FAM107B: variants seen among roughly 807,000 people sequenced by gnomAD.
The protein encoded by FAM107B is family with sequence similarity 107 member B, also known as protein FAM107B.
Under a neutral mutation model 31.5 loss-of-function variants are expected in FAM107B, and 21 were observed. The ratio of observed to expected loss-of-function variants is 0.67; its 90% confidence interval spans 0.47 to 0.96. The LOEUF (loss-of-function observed/expected upper bound fraction) is 0.96, where lower values mean the gene tolerates loss of function less well. FAM107B is among the 40% of genes least tolerant of loss of function. The pLI is 0.00. For synonymous variants in FAM107B, 157 were observed against 141.5 expected (o/e 1.11, Z -0.78); for missense variants, 452 against 377.1 (o/e 1.20, Z -1.64).
intron 1 of FAM107B, among the ~76,000 whole-genome samples, chr10:14,731,910 C>T (rs537145740): frequency 6.6e-6 from 1 of 152,280 alleles, no homozygotes; most frequent in Admixed American, 6.5e-5. Context: ...AATCAGCTAA[C>T]GATGCATTTC....
intron 2 of FAM107B, among the ~76,000 whole-genome samples, chr10:14,586,354 C>G (rs971290549): frequency 6.6e-6 from 1 of 152,110 alleles, no homozygotes. Flanking sequence ...AGATGAGAAT[C>G]CTGCCTGCCC....
intron 1 of FAM107B, among the ~76,000 whole-genome samples, chr10:14,729,863 A>G (rs1434460293): frequency 6.6e-6 from 1 of 152,238 alleles, no homozygotes; most frequent in Non-Finnish European, 1.5e-5. Context: ...CAGCCATAAA[A>G]AAGAATGAGT....
intron 1 of FAM107B, among the ~76,000 whole-genome samples, chr10:14,718,852 C>T (rs552728009): frequency 3.0e-4 from 46 of 152,216 alleles, no homozygotes; most frequent in Non-Finnish European, 6.6e-4. Flanking sequence ...GGAATGCTAA[C>T]TTGGCTTTGA....
chr10:14,604,408 C>G (rs979840143), intron 2 of FAM107B: 4 of 209,454 alleles, frequency 1.9e-5, no homozygotes, highest in East Asian at 3.8e-4. Flanking sequence ...TCTCGCTCCC[C>G]GCGGCCCCGC....
intron 2 of FAM107B, chr10:14,556,046 G>A (rs773428717): frequency 2.6e-5 from 4 of 152,302 alleles, no homozygotes; most frequent in Admixed American, 1.3e-4. Context: ...GAATAACAAC[G>A]TGAGCCCTAG....
chr10:14,615,266 T>C (rs192563920), intron 2 of FAM107B, among the ~76,000 whole-genome samples: 1,700 of 152,152 alleles, frequency 0.011, 28 homozygotes, highest in African/African-American at 0.04. Flanking sequence ...GAGGTGAAGG[T>C]TGCAGTGAGC....
intron 2 of FAM107B, among the ~76,000 whole-genome samples, chr10:14,629,308 A>AATTGTATATATATAATT (rs1853257983): frequency 2.9e-5 from 3 of 104,390 alleles, no homozygotes; most frequent in African/African-American, 1.2e-4. Context: ...TAAATATATA[A>AATTGTATATATATAATT]TATATATAAT....
At position 14,530,483 on chromosome 10, in the gene FAM107B, A is replaced by G; in HGVS notation, c.502T>C (p.Ser168Pro). Residue 168 changes from serine (S) to proline (P), a missense_variant, in exon 3 of 5, where the codon TCA becomes CCA. Physicochemically the swap from Ser to Pro is moderately conservative, Grantham distance 74. Coordinates refer to ENST00000181796, the MANE Select transcript of FAM107B (RefSeq NM_031453.4). ...ATGATGCTTCTTGTAATGAGATATGAGTCCTTATGGTCAATATCCTCAGGT... is the reference window on the plus strand; with the variant it reads ...ATGATGCTTCTTGTAATGAGATATGGGTCCTTATGGTCAATATCCTCAGGT... Reference protein sequence around the residue: ...SPPEDIDHKDSYLITRSIMAE... With the variant: ...SPPEDIDHKDPYLITRSIMAE... 1 of 1,613,910 alleles carries G rather than the reference A, an allele frequency of 6.2e-7. No individual in the cohort carries two copies. Among genetic ancestry groups the G allele is most frequent in the Non-Finnish European group, 8.5e-7 (1 of 1,180,016 alleles).
chr10:14,559,326 C>T (rs1485382182), intron 2 of FAM107B, among the ~76,000 whole-genome samples: 1 of 152,202 alleles, frequency 6.6e-6, no homozygotes, highest in Non-Finnish European at 1.5e-5. Context: ...ACCTGCGCAG[C>T]CAGCCTTCAT....
chr10:14,602,346 A>C (rs1359875164), intron 2 of FAM107B: 1 of 152,234 alleles, frequency 6.6e-6, no homozygotes, highest in Non-Finnish European at 1.5e-5. Context: ...CCTACTTCTA[A>C]ACGGTTGTCT....
At chr10:14,706,897 C>A (rs1261729842) in intron 1 of FAM107B, among the ~76,000 whole-genome samples, 3 of 152,164 alleles carry the variant, frequency 2.0e-5, no homozygotes, top group African/African-American at 7.2e-5. Context: ...GAGGCTGAGG[C>A]AGGCAGATCA....
At chr10:14,574,638 C>T (rs1851407772) in intron 2 of FAM107B, among the ~76,000 whole-genome samples, 1 of 152,214 alleles carries the variant, frequency 6.6e-6, no homozygotes, top group Non-Finnish European at 1.5e-5. Context: ...GCTTAGCACA[C>T]AGACCTCTCA....
At chr10:14,764,919 C>T (rs2131594564) in intron 1 of FAM107B, among the ~76,000 whole-genome samples, 1 of 152,226 alleles carries the variant, frequency 6.6e-6, no homozygotes, top group Admixed American at 6.5e-5. Flanking sequence ...TTGAAATCTC[C>T]CCAGTGACTC....
intron 1 of FAM107B, among the ~76,000 whole-genome samples, chr10:14,733,289 G>A (rs371530199): frequency 1.3e-5 from 2 of 151,874 alleles, no homozygotes; most frequent in African/African-American, 2.4e-5. Flanking sequence ...GCCCAGAGTC[G>A]ATCTAATGTA....
intron 1 of FAM107B, among the ~76,000 whole-genome samples, chr10:14,686,015 C>G (rs7898828): frequency 0.68 from 103,678 of 151,896 alleles, 35,535 homozygotes; most frequent in Middle Eastern, 0.8. Context: ...CCACGAGAAC[C>G]ATCTAGGGGA....
chr10:14,772,170 C>T (rs953677119), intron 1 of FAM107B, among the ~76,000 whole-genome samples: 10 of 152,050 alleles, frequency 6.6e-5, no homozygotes, highest in African/African-American at 1.4e-4. Flanking sequence ...CTGGCTAACA[C>T]GGTGAAATCC....
At chr10:14,668,054 G>GT (rs145688330) in intron 1 of FAM107B, among the ~76,000 whole-genome samples, 5,101 of 151,642 alleles carry the variant, frequency 0.034, 276 homozygotes, top group African/African-American at 0.12. Flanking sequence ...TGTTTTTTGG[G>GT]TTTTTTTTGG....
At chr10:14,753,541 C>T (rs1832870573) in intron 1 of FAM107B, among the ~76,000 whole-genome samples, 1 of 152,192 alleles carries the variant, frequency 6.6e-6, no homozygotes, top group Non-Finnish European at 1.5e-5. Flanking sequence ...TTATCTGGTG[C>T]TTAGTTAACT....
chr10:14,749,217 G>GCCAC (rs1832781393), intron 1 of FAM107B, among the ~76,000 whole-genome samples: 1 of 152,120 alleles, frequency 6.6e-6, no homozygotes, highest in Non-Finnish European at 1.5e-5. Flanking sequence ...AGGAAACAAT[G>GCCAC]CCACTTAGAA....
Sources: gnomAD v4.1 joint callset for allele counts (sites outside exome capture counted in the v4.1 genomes callset) on GRCh38, gnomAD v4.1.1 for gene constraint, MANE v1.5 for transcripts, NCBI Gene and HGNC (gene_info 2026-07-23, HGNC 2026-07-21) for gene names.